RLF: variants seen among roughly 807,000 people sequenced by gnomAD.
RLF encodes the protein zinc finger protein Rlf.
RLF carries 7 observed loss-of-function variants against 162.9 expected under a neutral mutation model. The ratio of observed to expected loss-of-function variants is 0.04; its 90% CI spans 0.02 to 0.08. RLF has a LOEUF of 0.08. Among genes scored for constraint, RLF ranks in the 10% least tolerant of loss-of-function variants. The pLI is 1.00. For synonymous variants in RLF, 782 were observed against 791.5 expected (o/e 0.99, Z 0.20); for missense variants, 1,664 against 2,244.7 (o/e 0.74, Z 5.23).
At chr1:40,173,624 A>G (rs1407939100) in intron 1 of RLF, among the ~76,000 whole-genome samples, 2 of 150,602 alleles carry the variant, frequency 1.3e-5, no homozygotes, top group Non-Finnish European at 3.0e-5. Context: ...GGTGATTTTC[A>G]TGCCTCAGCT....
intron 6 of RLF, among the ~76,000 whole-genome samples, chr1:40,224,042 G>T (rs995850907): frequency 3.9e-5 from 6 of 152,134 alleles, no homozygotes; most frequent in Non-Finnish European, 5.9e-5. Context: ...TTTTCAGTAC[G>T]AATAATAAAT....
chr1:40,227,273 C>CAGT (rs1643089888), intron 6 of RLF, among the ~76,000 whole-genome samples: 1 of 152,134 alleles, frequency 6.6e-6, no homozygotes, highest in Non-Finnish European at 1.5e-5. Context: ...ATCAAGGGTA[C>CAGT]AGTACATCAT....
chr1:40,186,492 C>CAG (rs1642481938), intron 1 of RLF, among the ~76,000 whole-genome samples: 1 of 152,162 alleles, frequency 6.6e-6, no homozygotes, highest in African/African-American at 2.4e-5. Flanking sequence ...GTGTAGCTTA[C>CAG]AGAAGTCCTG....
At chr1:40,209,643 C>T (rs1007747081) in intron 5 of RLF, among the ~76,000 whole-genome samples, 1 of 152,026 alleles carries the variant, frequency 6.6e-6, no homozygotes, top group Non-Finnish European at 1.5e-5. Context: ...TTTGGGAGGC[C>T]GAGGCGGGCA....
chr1:40,235,818 A>T lies in RLF; in HGVS notation c.1116A>T (p.Ser372=), dbSNP rs1457172072. The change falls in exon 8 of 8, where the codon TCA becomes TCT. Residue 372 remains serine (S), a synonymous_variant. Coordinates refer to ENST00000372771, the MANE Select transcript of RLF (RefSeq NM_012421.4). ...TEAQDAGLGV[S]ILLCVRALQL... is the part of the protein sequence containing the mutation. Reference sequence around the variant, plus strand: ...CACAAGATGCTGGTCTTGGGGTGTCAATTTTACTGTGTGTCAGAGCTCTTC... The same window carrying T: ...CACAAGATGCTGGTCTTGGGGTGTCTATTTTACTGTGTGTCAGAGCTCTTC... 5.0e-6 allele frequency: 8 copies of T among 1,596,114 alleles called. No homozygotes were observed. The African/African-American group carries it at 1.1e-4, about 22-fold the overall frequency.
At chr1:40,195,882 G>GAGT (rs1298279224) in intron 4 of RLF, 118 bp downstream of exon 4, 2 of 868,520 alleles carry the variant, frequency 2.3e-6, no homozygotes, top group African/African-American at 3.5e-5. Context: ...TTTTTACTTT[G>GAGT]AGTAGTAAAA....
At chr1:40,196,283 A>C (rs982352694) in intron 4 of RLF, among the ~76,000 whole-genome samples, 1 of 152,042 alleles carries the variant, frequency 6.6e-6, no homozygotes, top group African/African-American at 2.4e-5. Flanking sequence ...CATGTTGGTC[A>C]GGTTGGTTTC....
chr1:40,195,569 G>T, intron 3 of RLF, 63 bp from the exon 4 acceptor site: 1 of 1,449,046 alleles, frequency 6.9e-7, no homozygotes, highest in South Asian at 1.3e-5. Flanking sequence ...CAGATATGTT[G>T]AAAAGGCAAA....
At position 40,238,506 on chromosome 1, in the gene RLF, A is replaced by T; in HGVS notation, c.3804A>T (p.Thr1268=). The T allele has an allele frequency of 6.2e-7, 1 of 1,614,050 alleles. No individual in the cohort carries two copies. The highest frequency in any genetic ancestry group is 1.3e-5 in the African/African-American group (1 of 75,084). The change falls in exon 8 of 8, where the codon ACA becomes ACT. Residue 1268 remains threonine (T), a synonymous_variant. Transcript: ENST00000372771. The surrounding 1 kb of genome is among the most constrained non-coding windows in gnomAD (Gnocchi z 5.2). ...CTTGTGAAGAAACAGAAAGTAAAAC[A>T]TCTGACATTTCATCACCAATAGGCA... ...ESSCEETESK[T]SDISSPIGSH...
intron 1 of RLF, among the ~76,000 whole-genome samples, chr1:40,178,639 T>TG (rs1193599443): frequency 2.7e-5 from 4 of 148,986 alleles, no homozygotes; most frequent in African/African-American, 4.9e-5. Context: ...TTTGTTTTTT[T>TG]TTTTTTTTTG....
intron 5 of RLF, among the ~76,000 whole-genome samples, chr1:40,219,208 T>C (rs985085414): frequency 1.3e-5 from 2 of 152,208 alleles, no homozygotes; most frequent in Non-Finnish European, 2.9e-5. Context: ...TTTTAAGTTA[T>C]TTATTTACTT....
intron 1 of RLF, among the ~76,000 whole-genome samples, chr1:40,178,957 C>G (rs1557739944): frequency 6.6e-6 from 1 of 152,158 alleles, no homozygotes; most frequent in East Asian, 1.9e-4. Flanking sequence ...GCCTCAGCTT[C>G]CTCAGTAGTT....
chr1:40,231,475 C>T, intron 6 of RLF, 42 bp from the exon 7 acceptor site: 1 of 1,585,380 alleles, frequency 6.3e-7, no homozygotes. Flanking sequence ...CAGCAAATAC[C>T]AGTTACTTTA....
chr1:40,238,750 A>G lies in RLF; in HGVS notation c.4048A>G (p.Arg1350Gly), dbSNP rs750502001. ...GTTATGTTTGGAGAAAGACAAAGCA[A>G]GAACCAAAAGGGAACTTGTCAAATG... is the stretch of plus-strand genomic sequence containing the variant. ...EQLCLEKDKA[R>G]TKRELVKCKK... is the part of the protein sequence containing the mutation. The change falls in exon 8 of 8, where the codon AGA becomes GGA. Residue 1350 changes from arginine to glycine, a missense_variant. Around this residue, in one of 15 missense-constraint regions of RLF, gnomAD observed 33 missense variants for 73.3 expected, o/e 0.45. Transcript: ENST00000372771. This position sits in a 1 kb window ranked among gnomAD's most constrained non-coding sequence, Gnocchi z 5.2. The G allele has an allele frequency of 3.7e-6, 6 of 1,613,700 alleles. No homozygotes were observed. Among genetic ancestry groups the G allele is most frequent in the African/African-American group, 2.7e-5 (2 of 74,912 alleles).
intron 5 of RLF, among the ~76,000 whole-genome samples, chr1:40,214,900 A>G (rs1464730455): frequency 1.4e-5 from 2 of 139,268 alleles, no homozygotes; most frequent in East Asian, 2.3e-4. Flanking sequence ...TCCCACCTGG[A>G]CAAGAGTGAG....
intron 5 of RLF, among the ~76,000 whole-genome samples, chr1:40,214,944 A>C (rs1008187697): frequency 5.4e-5 from 8 of 147,944 alleles, no homozygotes; most frequent in Admixed American, 3.4e-4. Context: ...AAAAAAAAAA[A>C]ACTAAAGTAT....
At chr1:40,224,641 TTTTTTTTTTTTTTG>T (rs1186232294) in intron 6 of RLF, among the ~76,000 whole-genome samples, 3 of 129,454 alleles carry the variant, frequency 2.3e-5, no homozygotes, top group African/African-American at 2.9e-5. Flanking sequence ...TTTTTTTTTT[TTTTTTTTTTTTTTG>T]GTAGTGGGAT....
intron 6 of RLF, among the ~76,000 whole-genome samples, chr1:40,225,393 A>G (rs1451728224): frequency 6.6e-6 from 1 of 152,030 alleles, no homozygotes; most frequent in Non-Finnish European, 1.5e-5. Flanking sequence ...AGCCTGGCCA[A>G]CATGGTGAAA....
chr1:40,207,113 A>T (rs991947738), intron 5 of RLF, among the ~76,000 whole-genome samples: 14 of 152,120 alleles, frequency 9.2e-5, no homozygotes, highest in Admixed American at 2.6e-4. Flanking sequence ...TCCTCCCACT[A>T]GATTGTAAAC....
Sources: allele counts gnomAD v4.1 joint callset (sites outside exome capture counted in the v4.1 genomes callset), GRCh38; gene constraint gnomAD v4.1.1; regional missense constraint gnomAD v4.1.1; non-coding constraint Gnocchi (gnomAD v3.1); transcripts MANE v1.5; gene names NCBI Gene and HGNC (gene_info 2026-07-23, HGNC 2026-07-21).